Variants in ZNF568 observed in about 807,000 individuals in gnomAD.
ZNF568 encodes zinc finger protein 568.
A neutral mutation model predicts 18.1 loss-of-function variants in ZNF568; 11 were observed. The observed-to-expected ratio is 0.61, with a 90% confidence interval of 0.38 to 1.00. The LOEUF (loss-of-function observed/expected upper bound fraction) is 1.00, where lower values mean the gene tolerates loss of function less well. Ranked by LOEUF, ZNF568 falls within the 50% of genes least tolerant of loss-of-function variation. The probability of loss-of-function intolerance (pLI) is 0.01; values close to 1 mark genes in which losing one functional copy is unlikely to be tolerated. For synonymous variants in ZNF568, 213 were observed against 246.6 expected (o/e 0.86, Z 1.28); for missense variants, 639 against 768.2 (o/e 0.83, Z 1.99).
chr19:36,990,114 A>C (rs2074411020), intron 2 of ZNF568, among the ~76,000 whole-genome samples: 1 of 152,214 alleles, frequency 6.6e-6, no homozygotes, highest in African/African-American at 2.4e-5. Flanking sequence ...TGAGATATGT[A>C]GATTGTATGG....
At chr19:36,982,781 A>G (rs2074342464), downstream of ZNF568, among the ~76,000 whole-genome samples, 1 of 152,222 alleles carries the variant, frequency 6.6e-6, no homozygotes, top group South Asian at 2.1e-4. Context: ...AATAATTTTA[A>G]TTTATTTCCA....
chr19:36,985,774 T>C (rs954418819), intron 2 of ZNF568, among the ~76,000 whole-genome samples: 6 of 152,210 alleles, frequency 3.9e-5, no homozygotes, highest in African/African-American at 1.2e-4. Flanking sequence ...CCGCCCACTT[T>C]GGCCTCCCAA....
In ZNF568 at chr19:36,925,261, A is replaced by G; in HGVS notation, c.135+3A>G. On this transcript the variant is annotated splice_donor_region_variant and intron_variant, in intron 4 of 6. Coordinates refer to ENST00000333987, the MANE Select transcript of ZNF568 (RefSeq NM_198539.4). ...AAGAGGATACAACCAGGCCTCTTGT[A>G]CGTCTTAAGCATTTATTTGTTTCCT... 1.2e-6 allele frequency: 2 copies of G among 1,613,632 alleles called. No individual in the cohort carries two copies. The highest frequency in any genetic ancestry group is 1.7e-4 in the Middle Eastern group (1 of 6,060).
intron 7 of ZNF568, among the ~76,000 whole-genome samples, chr19:36,978,431 G>A (rs2074302997): frequency 6.6e-6 from 1 of 152,042 alleles, no homozygotes; most frequent in South Asian, 2.1e-4. Flanking sequence ...GAAACACAGG[G>A]TGCAATTGGT....
At chr19:36,990,205 C>T (rs1180636394) in intron 2 of ZNF568, among the ~76,000 whole-genome samples, 2 of 152,104 alleles carry the variant, frequency 1.3e-5, no homozygotes, top group Non-Finnish European at 2.9e-5. Context: ...GTGCGCACCT[C>T]GTGTGACATC....
chr19:36,994,944 C>T (rs531149841), intron 4 of ZNF568, among the ~76,000 whole-genome samples: 17 of 152,280 alleles, frequency 1.1e-4, no homozygotes, highest in African/African-American at 4.1e-4. Flanking sequence ...CCCACCGCGC[C>T]CGGCCAAAAT....
At chr19:36,947,335 G>A (rs2073984244) in intron 6 of ZNF568, among the ~76,000 whole-genome samples, 2 of 151,988 alleles carry the variant, frequency 1.3e-5, no homozygotes, top group Admixed American at 1.3e-4. Flanking sequence ...GTTTTGTGTG[G>A]GGCCCCAAAT....
intron 4 of ZNF568, among the ~76,000 whole-genome samples, chr19:36,936,438 A>G (rs926497607): frequency 1.3e-5 from 2 of 152,066 alleles, no homozygotes; most frequent in Non-Finnish European, 2.9e-5. Context: ...CTCTATTCCA[A>G]ATTTGCTCTG....
chr19:36,974,167 G>T (rs2074261211), intron 6 of ZNF568, among the ~76,000 whole-genome samples: 1 of 152,146 alleles, frequency 6.6e-6, no homozygotes, highest in Non-Finnish European at 1.5e-5. Flanking sequence ...AGTGTAAGAC[G>T]CTAGGCCTGA....
downstream of ZNF568, chr19:36,980,071 T>C (rs1036492639): frequency 6.6e-6 from 1 of 152,108 alleles, no homozygotes; most frequent in Non-Finnish European, 1.5e-5. Context: ...CTATTGATTT[T>C]TATATTTCCA....
intron 6 of ZNF568, among the ~76,000 whole-genome samples, chr19:36,964,845 C>T (rs1600835849): frequency 1.3e-5 from 2 of 152,106 alleles, no homozygotes; most frequent in African/African-American, 2.4e-5. Context: ...AAGTGAAAGT[C>T]GATACAAGAG....
At chr19:36,969,887 C>T (rs1335146578) in intron 6 of ZNF568, among the ~76,000 whole-genome samples, 2 of 84,878 alleles carry the variant, frequency 2.4e-5, no homozygotes, top group Non-Finnish European at 2.6e-5. Flanking sequence ...CTCTGCCTCC[C>T]GAGTACCTAG....
chr19:36,948,658 A>ATTTTTTTTTTTTTTTTTTTTTTTTTT (rs4069585), intron 6 of ZNF568, among the ~76,000 whole-genome samples: 1 of 83,576 alleles, frequency 1.2e-5, no homozygotes, highest in Non-Finnish European at 2.2e-5. Flanking sequence ...TTTGTTGTTG[A>ATTTTTTTTTTTTTTTTTTTTTTTTTT]TTTTTTTTTT....
At chr19:36,932,098 A>G (rs1234193235) in intron 4 of ZNF568, among the ~76,000 whole-genome samples, 1 of 152,168 alleles carries the variant, frequency 6.6e-6, no homozygotes, top group African/African-American at 2.4e-5. Flanking sequence ...TCTTGTAGGG[A>G]TATACCACAT....
chr19:36,937,047 A>G (rs2073802200), intron 5 of ZNF568, 100 bp from the exon 6 acceptor site: 1 of 1,389,762 alleles, frequency 7.2e-7, no homozygotes, highest in African/African-American at 1.4e-5. Flanking sequence ...AAGTTCATTC[A>G]TCCTCATCTT....
At chr19:36,965,485 G>C (rs555741916) in intron 6 of ZNF568, among the ~76,000 whole-genome samples, 1 of 152,236 alleles carries the variant, frequency 6.6e-6, no homozygotes, top group South Asian at 2.1e-4. Context: ...ATTCCCTTTT[G>C]GAACCAGCTA....
chr19:36,973,704 G>T (rs3816391), intron 6 of ZNF568: 26,992 of 153,084 alleles, frequency 0.18, 2,397 homozygotes, highest in Middle Eastern at 0.21. Context: ...CTGTGCCTGC[G>T]GGGCTGTGGT....
chr19:36,939,251 G>C (rs1335890980), intron 6 of ZNF568, among the ~76,000 whole-genome samples: 1 of 152,050 alleles, frequency 6.6e-6, no homozygotes, highest in African/African-American at 2.4e-5. Context: ...TCTTTGTTCA[G>C]CCCTGCCTTT....
chr19:36,986,225 C>G (rs2146345025), intron 2 of ZNF568, among the ~76,000 whole-genome samples: 1 of 152,256 alleles, frequency 6.6e-6, no homozygotes, highest in Non-Finnish European at 1.5e-5. Flanking sequence ...CTAGCGGACC[C>G]TAGGAATGGG....
Sources: gnomAD v4.1 joint callset for allele counts (sites outside exome capture counted in the v4.1 genomes callset) on GRCh38, gnomAD v4.1.1 for gene constraint, MANE v1.5 for transcripts, NCBI Gene and HGNC (gene_info 2026-07-23, HGNC 2026-07-21) for gene names.